The following LRMDA variants were observed in gnomAD, a reference collection of about 807,000 sequenced individuals.
LRMDA encodes the protein leucine rich melanocyte differentiation associated, also known as leucine-rich melanocyte differentiation-associated protein.
LRMDA carries 18 observed loss-of-function variants against 29.8 expected under a neutral mutation model. The observed-to-expected ratio is 0.60, with a 90% CI of 0.42 to 0.90. The LOEUF (loss-of-function observed/expected upper bound fraction) is 0.90, where lower values mean the gene tolerates loss of function less well. Among genes scored for constraint, LRMDA ranks in the 40% least tolerant of loss-of-function variants. The probability of loss-of-function intolerance (pLI) is 0.00; values close to 1 mark genes in which losing one functional copy is unlikely to be tolerated. For missense variants in LRMDA, 273 were observed against 273.9 expected (o/e 1.00, Z 0.02); for synonymous variants, 125 against 109.4 (o/e 1.14, Z -0.89).
At chr10:76,182,158 T>C (rs1332598587) in intron 5 of LRMDA, among the ~76,000 whole-genome samples, 2 of 152,098 alleles carry the variant, frequency 1.3e-5, no homozygotes, top group Admixed American at 6.5e-5. Flanking sequence ...CACAGTTCCA[T>C]GTGGCTGGGG....
intron 2 of LRMDA, among the ~76,000 whole-genome samples, chr10:75,546,428 T>C (rs914490292): frequency 3.3e-5 from 5 of 152,196 alleles, no homozygotes; most frequent in African/African-American, 1.2e-4. Flanking sequence ...TTGATCCCAA[T>C]TGTATTTTGA....
chr10:76,407,684 T>A (rs1157940591), intron 6 of LRMDA, among the ~76,000 whole-genome samples: 2 of 152,204 alleles, frequency 1.3e-5, no homozygotes, highest in Non-Finnish European at 2.9e-5. Flanking sequence ...GGTGACCACA[T>A]GAGAGCCAAA....
intron 2 of LRMDA, among the ~76,000 whole-genome samples, chr10:75,558,689 A>C (rs1340546203): frequency 4.3e-4 from 57 of 131,276 alleles, no homozygotes; most frequent in East Asian, 6.8e-4. Context: ...CACTCCCCCC[A>C]CCCCACAACA....
intron 2 of LRMDA, among the ~76,000 whole-genome samples, chr10:75,681,892 G>A (rs986270121): frequency 6.6e-6 from 1 of 152,144 alleles, no homozygotes; most frequent in Admixed American, 6.5e-5. Flanking sequence ...GGGAGAAAGC[G>A]CTTTTGAATT....
intron 5 of LRMDA, among the ~76,000 whole-genome samples, chr10:76,289,853 G>A (rs1840317730): frequency 6.6e-6 from 1 of 152,136 alleles, no homozygotes; most frequent in Non-Finnish European, 1.5e-5. Flanking sequence ...TTTAGGTTTG[G>A]ACACTTTTTG....
At chr10:75,520,222 G>A (rs984674909) in intron 2 of LRMDA, among the ~76,000 whole-genome samples, 4 of 152,120 alleles carry the variant, frequency 2.6e-5, no homozygotes, top group Admixed American at 6.5e-5. Flanking sequence ...TTGAATGTTG[G>A]CCTGCCTTGG....
chr10:76,017,062 A>C lies in LRMDA; in HGVS notation c.132-18946A>C, dbSNP rs547773493. Among the ~76,000 whole-genome samples, 5 of 152,386 alleles carry C rather than the reference A, an allele frequency of 3.3e-5. No homozygotes were observed. The South Asian group carries it at 1.0e-3, about 32-fold the overall frequency. On this transcript the variant is annotated intron_variant, in intron 2 of 6. Coordinates refer to ENST00000611255, the MANE Select transcript of LRMDA (RefSeq NM_001305581.2). ...TTACATGGAAATAGGATTGTTGTAG[A>C]TATCATCAGTTAAGAAGCGCTCATA...
intron 6 of LRMDA, among the ~76,000 whole-genome samples, chr10:76,520,405 T>C (rs1324046594): frequency 6.6e-6 from 1 of 152,150 alleles, no homozygotes; most frequent in Non-Finnish European, 1.5e-5. Flanking sequence ...TTACAAACAT[T>C]ATCCACCCTC....
intron 2 of LRMDA, among the ~76,000 whole-genome samples, chr10:75,978,061 C>A (rs1847105206): frequency 6.6e-6 from 1 of 152,284 alleles, no homozygotes. Context: ...AGTTCATTGG[C>A]TACAACTTAG....
At chr10:76,232,650 GT>G (rs1212136976) in intron 5 of LRMDA, among the ~76,000 whole-genome samples, 1 of 152,230 alleles carries the variant, frequency 6.6e-6, no homozygotes, top group Admixed American at 6.5e-5. Context: ...TCTACCTGCT[GT>G]AGGAGACGGC....
At chr10:75,815,801 A>G (rs1053739602) in intron 2 of LRMDA, among the ~76,000 whole-genome samples, 1 of 152,214 alleles carries the variant, frequency 6.6e-6, no homozygotes, top group African/African-American at 2.4e-5. Flanking sequence ...ATACTAATGA[A>G]CATTTATTCA....
At chr10:75,843,339 C>T (rs1364592157) in intron 2 of LRMDA, among the ~76,000 whole-genome samples, 1 of 152,142 alleles carries the variant, frequency 6.6e-6, no homozygotes. Context: ...AATTTATTTT[C>T]TGTATTGGAA....
chr10:76,376,956 G>A (rs190100168), intron 6 of LRMDA, among the ~76,000 whole-genome samples: 103 of 128,500 alleles, frequency 8.0e-4, no homozygotes, highest in African/African-American at 2.6e-3. Context: ...CGCGATCTCC[G>A]CTCACTGGAA....
At chr10:75,692,072 T>C (rs1842165692) in intron 2 of LRMDA, among the ~76,000 whole-genome samples, 1 of 151,560 alleles carries the variant, frequency 6.6e-6, no homozygotes, top group Non-Finnish European at 1.5e-5. Flanking sequence ...TGTGGTGGAA[T>C]GTGTCTGTAG....
intron 2 of LRMDA, among the ~76,000 whole-genome samples, chr10:75,499,214 A>G (rs1845084226): frequency 6.6e-6 from 1 of 152,120 alleles, no homozygotes; most frequent in South Asian, 2.1e-4. Context: ...GCAGTTTCTA[A>G]CTCAAAAGTC....
chr10:76,336,275 G>T, intron 6 of LRMDA, among the ~76,000 whole-genome samples: 1 of 152,126 alleles, frequency 6.6e-6, no homozygotes, highest in Admixed American at 6.5e-5. Flanking sequence ...ATGAAATCAG[G>T]GTTTCACCTT....
intron 2 of LRMDA, among the ~76,000 whole-genome samples, chr10:75,963,421 G>GT (rs1321763969): frequency 6.6e-6 from 1 of 152,182 alleles, no homozygotes; most frequent in East Asian, 1.9e-4. Flanking sequence ...CATCTGCTTT[G>GT]TTTCTTTCCT....
chr10:76,427,131 T>C (rs1842136145), intron 6 of LRMDA, among the ~76,000 whole-genome samples: 1 of 152,162 alleles, frequency 6.6e-6, no homozygotes, highest in African/African-American at 2.4e-5. Flanking sequence ...TTTTTTCCAA[T>C]TCTGTGAAGA....
intron 6 of LRMDA, among the ~76,000 whole-genome samples, chr10:76,415,076 G>A (rs1842000973): frequency 6.6e-6 from 1 of 152,224 alleles, no homozygotes; most frequent in Admixed American, 6.5e-5. Context: ...CCTGTCAGAG[G>A]GGAAAAGCAA....
Sources: gnomAD v4.1 joint callset for allele counts (sites outside exome capture counted in the v4.1 genomes callset) on GRCh38, gnomAD v4.1.1 for gene constraint, MANE v1.5 for transcripts, NCBI Gene and HGNC (gene_info 2026-07-23, HGNC 2026-07-21) for gene names.